Variants in SLCO3A1 observed in about 807,000 individuals in gnomAD.
SLCO3A1 encodes the protein PGE1 transporter.
SLCO3A1 carries 27 observed loss-of-function variants against 63.1 expected under a neutral mutation model. The ratio of observed to expected loss-of-function variants is 0.43; its 90% confidence interval spans 0.32 to 0.59. The LOEUF (loss-of-function observed/expected upper bound fraction) is 0.59, where lower values mean the gene tolerates loss of function less well. Among genes scored for constraint, SLCO3A1 ranks in the 20% least tolerant of loss-of-function variants. The pLI is 0.09. For synonymous variants in SLCO3A1, 473 were observed against 409.9 expected (o/e 1.15, Z -1.86); for missense variants, 773 against 945.8 (o/e 0.82, Z 2.40).
intron 2 of SLCO3A1, among the ~76,000 whole-genome samples, chr15:91,969,874 G>A (rs893009930): frequency 2.6e-5 from 4 of 152,280 alleles, no homozygotes; most frequent in Middle Eastern, 3.4e-3. Context: ...TGGGTAGGGT[G>A]AGCCCTTTGC....
At chr15:92,140,489 T>C (rs1428025908) in intron 7 of SLCO3A1, among the ~76,000 whole-genome samples, 2 of 152,060 alleles carry the variant, frequency 1.3e-5, no homozygotes, top group South Asian at 4.2e-4. Context: ...AGATGTCTAT[T>C]AGGTCCGCTT....
chr15:92,003,327 C>A (rs764900063), intron 2 of SLCO3A1, among the ~76,000 whole-genome samples: 40 of 152,320 alleles, frequency 2.6e-4, no homozygotes, highest in Admixed American at 7.8e-4. Context: ...TTACACATGT[C>A]CTGTCTCACC....
At chr15:92,032,232 C>A (rs796423346) in intron 2 of SLCO3A1, among the ~76,000 whole-genome samples, 3 of 152,266 alleles carry the variant, frequency 2.0e-5, no homozygotes, top group African/African-American at 7.2e-5. Flanking sequence ...CAGAGGGTCA[C>A]ACCATGTGCA....
intron 2 of SLCO3A1, among the ~76,000 whole-genome samples, chr15:92,053,697 T>TG (rs2046987656): frequency 6.6e-5 from 1 of 15,238 alleles, no homozygotes; most frequent in Admixed American, 2.0e-3. Context: ...TGTTTGTTTG[T>TG]TTTTTTTTTT....
intron 2 of SLCO3A1, among the ~76,000 whole-genome samples, chr15:91,962,874 G>A (rs116387835): frequency 6.6e-5 from 10 of 152,248 alleles, no homozygotes; most frequent in African/African-American, 2.2e-4. Flanking sequence ...GGAAAACATC[G>A]CCAGACCAAC....
At position 91,948,055 on chromosome 15, in the gene SLCO3A1, CAGAT is replaced by C. The variant is rs1214277163; in HGVS notation, c.646+31601_646+31604del. Among the ~76,000 whole-genome samples the C allele has an allele frequency of 6.6e-6, 1 of 152,306 alleles. No individual in the cohort carries two copies. Among genetic ancestry groups the C allele is most frequent in the Non-Finnish European group, 1.5e-5 (1 of 68,034 alleles). On this transcript the variant is annotated intron_variant, in intron 2 of 9. Transcript: ENST00000318445. The surrounding 1 kb of genome is among the most constrained non-coding windows in gnomAD (Gnocchi z 4.8). Reference sequence around the variant, plus strand: ...GGGAGCAGAAGCAGAATTCAGATGACAGATAGACGAATGGAGATAAAATAGAGAT... The same window carrying C: ...GGGAGCAGAAGCAGAATTCAGATGACAGACGAATGGAGATAAAATAGAGAT...
Position 91,912,244 on chromosome 15 carries a change from T to G in SLCO3A1, c.181-3749T>G, listed in dbSNP as rs1898510287. Reference sequence around the variant, plus strand: ...GCTACAAGTGGGTTTTATGGCCTCATGCATACTTAGTCTGTCTTCTCAAAA... The same window carrying G: ...GCTACAAGTGGGTTTTATGGCCTCAGGCATACTTAGTCTGTCTTCTCAAAA... On this transcript the variant is annotated intron_variant, in intron 1 of 9. Transcript: ENST00000318445. This position sits in a 1 kb window ranked among gnomAD's most constrained non-coding sequence, Gnocchi z 5.0. Among the ~76,000 whole-genome samples, 1 of 152,212 alleles carries G rather than the reference T, an allele frequency of 6.6e-6. No individual in the cohort carries two copies. Among genetic ancestry groups the G allele is most frequent in the Non-Finnish European group, 1.5e-5 (1 of 68,032 alleles).
chr15:92,004,848 A>G (rs1316113466), intron 2 of SLCO3A1, among the ~76,000 whole-genome samples: 1 of 152,190 alleles, frequency 6.6e-6, no homozygotes, highest in East Asian at 1.9e-4. Flanking sequence ...TATGGCCTGC[A>G]TTTGAGCTCC....
chr15:91,931,241 G>GCGAT (rs1220966908), intron 2 of SLCO3A1, among the ~76,000 whole-genome samples: 1 of 152,208 alleles, frequency 6.6e-6, no homozygotes, highest in Non-Finnish European at 1.5e-5. Context: ...GCTCCCTGAT[G>GCGAT]CGATGCATTA....
At chr15:91,969,239 A>G (rs576791546) in intron 2 of SLCO3A1, among the ~76,000 whole-genome samples, 1 of 152,258 alleles carries the variant, frequency 6.6e-6, no homozygotes, top group Non-Finnish European at 1.5e-5. Context: ...ATATCTGACT[A>G]CTACATGTGG....
At chr15:91,984,455 T>A (rs78598598) in intron 2 of SLCO3A1, among the ~76,000 whole-genome samples, 6,124 of 152,318 alleles carry the variant, frequency 0.04, 262 homozygotes, top group African/African-American at 0.11. Context: ...GATAAGATGA[T>A]GTATTTATGC....
chr15:92,080,938 C>CCGTGTGTG (rs2047336505), intron 2 of SLCO3A1, among the ~76,000 whole-genome samples: 1 of 128,896 alleles, frequency 7.8e-6, no homozygotes, highest in Non-Finnish European at 1.6e-5. Context: ...TACATAGTAG[C>CCGTGTGTG]TGTGTGTGTG....
chr15:92,100,283 G>A (rs941134322), intron 3 of SLCO3A1, among the ~76,000 whole-genome samples: 8 of 152,132 alleles, frequency 5.3e-5, no homozygotes, highest in African/African-American at 1.9e-4. Context: ...AATGGCATCT[G>A]TTCTCATCAT....
At chr15:91,861,435 G>T (rs1263620612) in intron 1 of SLCO3A1, among the ~76,000 whole-genome samples, 3 of 152,202 alleles carry the variant, frequency 2.0e-5, no homozygotes, top group Non-Finnish European at 4.4e-5. Flanking sequence ...TGAGGACTTA[G>T]CAGCTCGATT....
At chr15:92,149,994 TTC>T (rs1470738636) in intron 8 of SLCO3A1, among the ~76,000 whole-genome samples, 2 of 152,114 alleles carry the variant, frequency 1.3e-5, no homozygotes, top group African/African-American at 4.8e-5. Flanking sequence ...CTGACTGTGT[TTC>T]TGTCCAGAGG....
Position 91,968,106 on chromosome 15 carries a change from C to T in SLCO3A1, c.646+51648C>T, listed in dbSNP as rs1309582919. ...GGAAAGTACCCAGGGAAGCCACTTA[C>T]GGCCTATCCATCAAAGCACAGTGCG... On this transcript the variant is annotated intron_variant, in intron 2 of 9. Coordinates refer to ENST00000318445, the MANE Select transcript of SLCO3A1 (RefSeq NM_013272.4). This position sits in a 1 kb window ranked among gnomAD's most constrained non-coding sequence, Gnocchi z 4.2. Among the ~76,000 whole-genome samples, 2 of 152,146 alleles carry T rather than the reference C, an allele frequency of 1.3e-5. No individual in the cohort carries two copies. Among genetic ancestry groups the T allele is most frequent in the African/African-American group, 4.8e-5 (2 of 41,432 alleles).
At position 91,859,893 on chromosome 15, in the gene SLCO3A1, T is replaced by C. The variant is rs1463646542; in HGVS notation, c.180+5805T>C. ...TTTCAATTAAACTTTAGTTTTGGTT[T>C]AGTGAATTGCATATTCAAGTAGTTT... On this transcript the variant is annotated intron_variant, in intron 1 of 9. Coordinates refer to ENST00000318445, the MANE Select transcript of SLCO3A1 (RefSeq NM_013272.4). The surrounding 1 kb of genome is among the most constrained non-coding windows in gnomAD (Gnocchi z 5.1). Among the ~76,000 whole-genome samples, 1 of 152,248 alleles carries C rather than the reference T, an allele frequency of 6.6e-6. No individual in the cohort carries two copies. The highest frequency in any genetic ancestry group is 1.5e-5 in the Non-Finnish European group (1 of 68,046).
At chr15:92,148,634 A>G (rs763794023) in intron 8 of SLCO3A1, 10 of 152,256 alleles carry the variant, frequency 6.6e-5, no homozygotes, top group Non-Finnish European at 1.2e-4. Flanking sequence ...CAAAAAAGCA[A>G]TATGACAGTG....
rs546259535 is a variant in SLCO3A1 at position 91,957,255 on chromosome 15, G to A, written c.646+40797G>A. On this transcript the variant is annotated intron_variant, in intron 2 of 9. Transcript: ENST00000318445. Reference sequence around the variant, plus strand: ...ATCCGCTGGCTAGGATGACAGGCATGAACCACCGGACCTGGCTGCCTCCTT... The same window carrying A: ...ATCCGCTGGCTAGGATGACAGGCATAAACCACCGGACCTGGCTGCCTCCTT... Among the ~76,000 whole-genome samples, 46 of 139,670 alleles carry A rather than the reference G, an allele frequency of 3.3e-4. 1 individual carries two copies. The highest frequency in any genetic ancestry group is 3.2e-4 in the Admixed American group (4 of 12,390). The allele number at this position is 139,670 out of a possible 152,430, so 91.6% of individuals were successfully genotyped here.
Sources: allele counts gnomAD v4.1 joint callset (sites outside exome capture counted in the v4.1 genomes callset), GRCh38; gene constraint gnomAD v4.1.1; non-coding constraint Gnocchi (gnomAD v3.1); transcripts MANE v1.5; gene names NCBI Gene and HGNC (gene_info 2026-07-23, HGNC 2026-07-21).